CCDC7: variants seen among roughly 807,000 people sequenced by gnomAD.
CCDC7 encodes coiled-coil domain containing 7.
In CCDC7, 183 loss-of-function variants were observed where a neutral mutation model predicts 196.9. That is an observed-to-expected ratio of 0.93 (90% confidence interval 0.82 to 1.05). The LOEUF is 1.05. CCDC7 is among the 50% of genes least tolerant of loss of function. The probability of loss-of-function intolerance (pLI) is 0.00; values close to 1 mark genes in which losing one functional copy is unlikely to be tolerated. For missense variants in CCDC7, 1,540 were observed against 1,482.2 expected (o/e 1.04, Z -0.64); for synonymous variants, 525 against 484.6 (o/e 1.08, Z -1.10).
At chr10:32,764,789 G>A (rs1341382312) in intron 28 of CCDC7, among the ~76,000 whole-genome samples, 1 of 152,018 alleles carries the variant, frequency 6.6e-6, no homozygotes, top group Non-Finnish European at 1.5e-5. Context: ...CACACTGGAT[G>A]TTGCTGCTAC....
chr10:32,511,830 C>G, intron 9 of CCDC7: 1 of 816,530 alleles, frequency 1.2e-6, no homozygotes, highest in Non-Finnish European at 2.1e-6. Flanking sequence ...GCCCGCGCCA[C>G]CAGCGGCGCT....
intron 29 of CCDC7, among the ~76,000 whole-genome samples, chr10:32,797,880 T>C (rs1390326082): frequency 1.3e-5 from 2 of 152,166 alleles, no homozygotes; most frequent in African/African-American, 4.8e-5. Context: ...TATTGCCACC[T>C]AATTGGCATT....
At chr10:32,664,845 G>C (rs949179668) in intron 21 of CCDC7, among the ~76,000 whole-genome samples, 3 of 151,916 alleles carry the variant, frequency 2.0e-5, no homozygotes, top group African/African-American at 7.3e-5. Flanking sequence ...GTGAAATTGT[G>C]GATAATATTG....
upstream of CCDC7, among the ~76,000 whole-genome samples, chr10:32,450,736 T>G (rs2032830187): frequency 6.6e-6 from 1 of 152,130 alleles, no homozygotes; most frequent in Admixed American, 6.5e-5. Context: ...GGGCCAAGGC[T>G]ACTGCTCCTG....
chr10:32,448,007 G>GTTCT (rs2031868861), upstream of CCDC7, among the ~76,000 whole-genome samples: 2 of 152,122 alleles, frequency 1.3e-5, no homozygotes, highest in African/African-American at 4.8e-5. Flanking sequence ...AGAGCATTGT[G>GTTCT]TTCTTCCTTC....
rs551926960 is a variant in CCDC7, at chr10:32,792,692, C to T, written c.3014-12323C>T. Among the ~76,000 whole-genome samples, 17 of 152,110 alleles carry T rather than the reference C, an allele frequency of 1.1e-4. No individual in the cohort carries two copies. The South Asian group carries it at 1.5e-3, about 13-fold the overall frequency. On this transcript the variant is annotated intron_variant, in intron 29 of 41. Transcript: ENST00000639629. ...GGCATACGCTTGTAACTCAGCTGCT[C>T]GGGAGGCTGAGGCAGGAGAATCACT...
At chr10:32,711,549 A>G (rs2080839367) in intron 24 of CCDC7, 71 bp from the exon 26 acceptor site, 2 of 915,518 alleles carry the variant, frequency 2.2e-6, no homozygotes, top group Non-Finnish European at 3.3e-6. Flanking sequence ...CACTTGTTAT[A>G]AATTTGAACT....
intron 18 of CCDC7, among the ~76,000 whole-genome samples, chr10:32,598,039 C>T (rs1188978047): frequency 6.6e-6 from 1 of 152,222 alleles, no homozygotes; most frequent in Non-Finnish European, 1.5e-5. Context: ...AGCTGTTGGA[C>T]AGGGACGTTT....
At chr10:32,594,450 C>T (rs1358977868) in intron 18 of CCDC7, among the ~76,000 whole-genome samples, 2 of 152,150 alleles carry the variant, frequency 1.3e-5, no homozygotes, top group Non-Finnish European at 2.9e-5. Flanking sequence ...AGATTTTGGG[C>T]TGAGACGATG....
At chr10:32,553,449 C>T (rs1172812493) in intron 13 of CCDC7, among the ~76,000 whole-genome samples, 1 of 152,062 alleles carries the variant, frequency 6.6e-6, no homozygotes, top group Admixed American at 6.5e-5. Context: ...GGGTCCATTG[C>T]TGATGAAGTA....
chr10:32,608,832 T>G (rs1315855487), intron 18 of CCDC7, among the ~76,000 whole-genome samples: 2 of 152,196 alleles, frequency 1.3e-5, no homozygotes, highest in African/African-American at 4.8e-5. Context: ...TGAGCCACCA[T>G]GCCTGTCATG....
chr10:32,724,591 C>T (rs576981215), intron 25 of CCDC7, among the ~76,000 whole-genome samples: 2 of 152,102 alleles, frequency 1.3e-5, no homozygotes, highest in East Asian at 3.9e-4. Flanking sequence ...ATGGGAACCC[C>T]AAATGAAAAG....
At chr10:32,808,129 G>A (rs779627658) in intron 30 of CCDC7, among the ~76,000 whole-genome samples, 1 of 152,112 alleles carries the variant, frequency 6.6e-6, no homozygotes, top group Admixed American at 6.5e-5. Flanking sequence ...TGCCACCCAG[G>A]CACACCACTT....
rs76097771 is a variant in CCDC7 at position 32,775,687 on chromosome 10, G to T, written c.2906-3290G>T. On this transcript the variant is annotated intron_variant, in intron 28 of 41. Transcript: ENST00000639629. ...GCCCTTAAATTGCACCCATATATTA[G>T]AATTAATCCCTTTCTAAAGACAGAT... 7.9e-3 allele frequency among the ~76,000 whole-genome samples: 1,205 copies of T among 152,224 alleles called. 17 individuals carry two copies. Among genetic ancestry groups the T allele is most frequent in the Admixed American group, 0.018 (278 of 15,282 alleles).
chr10:32,635,297 T>C (rs1334611168), intron 20 of CCDC7, 139 bp downstream of exon 21: 1 of 378,362 alleles, frequency 2.6e-6, no homozygotes, highest in Non-Finnish European at 4.7e-6. Flanking sequence ...GTCTCTATAA[T>C]TACTGAATTA....
At chr10:32,689,818 TC>T (rs2076874896) in intron 23 of CCDC7, among the ~76,000 whole-genome samples, 1 of 151,968 alleles carries the variant, frequency 6.6e-6, no homozygotes, top group Non-Finnish European at 1.5e-5. Flanking sequence ...CACTGCAACC[TC>T]CGCCTCCCGG....
chr10:32,518,388 C>A, intron 10 of CCDC7, 28 bp from the exon 12 acceptor site: 1 of 1,549,614 alleles, frequency 6.5e-7, no homozygotes, highest in Non-Finnish European at 8.7e-7. Flanking sequence ...TTTTACTCTT[C>A]ATTATTACTA....
chr10:32,850,516 C>A (rs1049319844), intron 39 of CCDC7, among the ~76,000 whole-genome samples: 4 of 152,108 alleles, frequency 2.6e-5, no homozygotes, highest in African/African-American at 9.7e-5. Context: ...GGAAGAACAT[C>A]AATACAAGTA....
intron 18 of CCDC7, among the ~76,000 whole-genome samples, chr10:32,593,086 A>G (rs1352540840): frequency 6.6e-6 from 1 of 152,186 alleles, no homozygotes; most frequent in African/African-American, 2.4e-5. Context: ...GCTGGATCAA[A>G]TGGTATTTCT....
Sources: gnomAD v4.1 joint callset for allele counts (sites outside exome capture counted in the v4.1 genomes callset) on GRCh38, gnomAD v4.1.1 for gene constraint, MANE v1.5 for transcripts, NCBI Gene and HGNC (gene_info 2026-07-23, HGNC 2026-07-21) for gene names.